The following FAM184B variants were observed in gnomAD, a reference collection of about 807,000 sequenced individuals.
FAM184B encodes the protein protein FAM184B.
Under a neutral mutation model 135.9 loss-of-function variants are expected in FAM184B, and 111 were observed. The observed-to-expected ratio is 0.82, with a 90% CI of 0.70 to 0.96. FAM184B has a LOEUF of 0.96. Among genes scored for constraint, FAM184B ranks in the 40% least tolerant of loss-of-function variants. The pLI is 0.00. For missense variants in FAM184B, 1,375 were observed against 1,323.9 expected (o/e 1.04, Z -0.60); for synonymous variants, 552 against 524.8 (o/e 1.05, Z -0.71).
Position 17,760,602 on chromosome 4 carries a change from A to C in FAM184B, c.141+20557T>G, listed in dbSNP as rs370922588. 2.0e-5 allele frequency among the ~76,000 whole-genome samples: 3 copies of C among 152,226 alleles called. No individual in the cohort carries two copies. In the East Asian group the frequency reaches 5.8e-4, roughly 29 times the overall value. Reference sequence around the variant, plus strand: ...CTCTCACCAAAGAAATAAATAAACAAGCAAAAAGGACACATCTCTAGGACA... The same window carrying C: ...CTCTCACCAAAGAAATAAATAAACACGCAAAAAGGACACATCTCTAGGACA... On this transcript the variant is annotated intron_variant, in intron 1 of 17. Coordinates refer to ENST00000265018, the MANE Select transcript of FAM184B (RefSeq NM_015688.2).
Position 17,630,210 on chromosome 4 carries a change from C to G in FAM184B, c.*2322G>C, listed in dbSNP as rs554922489. ...AAAAATAGAACCACCTGTATGTAGTCTTTTTGAAAGCACAAAATAAAGAGC... is the reference window on the plus strand; with the variant it reads ...AAAAATAGAACCACCTGTATGTAGTGTTTTTGAAAGCACAAAATAAAGAGC... On this transcript the variant is annotated 3_prime_UTR_variant, in exon 18 of 18. Transcript: ENST00000265018. 1 of 152,268 alleles carries G rather than the reference C, an allele frequency of 6.6e-6. No homozygotes were observed. The highest frequency in any genetic ancestry group is 2.1e-4 in the South Asian group (1 of 4,830). The allele number at this position is 152,268 out of a possible 1,614,324, so 9.4% of individuals were successfully genotyped here.
intron 3 of FAM184B, 141 bp downstream of exon 3, chr4:17,707,508 G>T (rs1251270038): frequency 2.8e-6 from 3 of 1,052,794 alleles, no homozygotes; most frequent in Non-Finnish European, 4.1e-6. Flanking sequence ...GCAGGGATTG[G>T]TCTCACCCAC....
At chr4:17,681,586 G>T (rs777145611) in intron 7 of FAM184B, among the ~76,000 whole-genome samples, 2 of 152,192 alleles carry the variant, frequency 1.3e-5, no homozygotes, top group Admixed American at 1.3e-4. Flanking sequence ...GTGGTTATCT[G>T]CCTGCCAACG....
chr4:17,706,987 C>G (rs1467511048), intron 3 of FAM184B, among the ~76,000 whole-genome samples: 1 of 152,056 alleles, frequency 6.6e-6, no homozygotes, highest in Non-Finnish European at 1.5e-5. Context: ...AGGTTTATAC[C>G]ATGTTTGCCA....
intron 1 of FAM184B, among the ~76,000 whole-genome samples, chr4:17,734,696 G>A (rs1439380384): frequency 1.6e-4 from 24 of 149,964 alleles, no homozygotes; most frequent in Non-Finnish European, 3.4e-4. Context: ...TGCTGGAGAG[G>A]ATGTGGAGAA....
chr4:17,722,970 C>T (rs183624195), intron 1 of FAM184B, among the ~76,000 whole-genome samples: 64 of 152,226 alleles, frequency 4.2e-4, no homozygotes, highest in Non-Finnish European at 7.8e-4. Flanking sequence ...AATGGAATTG[C>T]GAAAATTCAA....
At chr4:17,637,996 T>TCC (rs1715195797) in intron 14 of FAM184B, among the ~76,000 whole-genome samples, 1 of 18,772 alleles carries the variant, frequency 5.3e-5, no homozygotes, top group Admixed American at 7.5e-4. Flanking sequence ...ACCCTCCCTC[T>TCC]CACTGATGCC....
At chr4:17,648,364 TG>T (rs1715522448) in intron 11 of FAM184B, among the ~76,000 whole-genome samples, 1 of 152,044 alleles carries the variant, frequency 6.6e-6, no homozygotes, top group Non-Finnish European at 1.5e-5. Context: ...TATTTTTTTT[TG>T]AGATGGAGTC....
chr4:17,676,634 G>A (rs1023981416), intron 7 of FAM184B, among the ~76,000 whole-genome samples: 2 of 152,168 alleles, frequency 1.3e-5, no homozygotes, highest in African/African-American at 4.8e-5. Context: ...TGGTGGTCTA[G>A]AACTGAATTT....
chr4:17,676,213 T>C (rs1327691536), intron 7 of FAM184B, among the ~76,000 whole-genome samples: 1 of 152,182 alleles, frequency 6.6e-6, no homozygotes, highest in Non-Finnish European at 1.5e-5. Flanking sequence ...TTGGCCTAAC[T>C]GCAATATTGT....
chr4:17,766,330 T>C (rs2108995190), intron 1 of FAM184B, among the ~76,000 whole-genome samples: 1 of 152,380 alleles, frequency 6.6e-6, no homozygotes, highest in East Asian at 1.9e-4. Context: ...CTGGATTAGC[T>C]ACACACAGAG....
At chr4:17,716,784 C>G (rs1717407758) in intron 1 of FAM184B, among the ~76,000 whole-genome samples, 1 of 152,088 alleles carries the variant, frequency 6.6e-6, no homozygotes, top group Non-Finnish European at 1.5e-5. Context: ...GCATTCTTGG[C>G]ATTCTCAATA....
In FAM184B at chr4:17,642,773, T is replaced by C. The variant is rs1715360106; in HGVS notation, c.2347-545A>G. On this transcript the variant is annotated intron_variant, in intron 12 of 17. Transcript: ENST00000265018. ...CAACCCTGTAGCACCTAGCCTGGTG[T>C]ATTCTATAGGTGCCACGTGAATGCT... Among the ~76,000 whole-genome samples the C allele has an allele frequency of 2.0e-5, 3 of 152,358 alleles. No homozygotes were observed. In the South Asian group the frequency reaches 6.2e-4, roughly 32 times the overall value.
chr4:17,647,672 G>A lies in FAM184B; in HGVS notation c.2311C>T (p.Pro771Ser), dbSNP rs561607262. Reference sequence around the variant, plus strand: ...ATTATGTGATCCTTGCTGTCTCCTGGACACTGGCTGCTGGCTTGCTGTCTG... The same window carrying A: ...ATTATGTGATCCTTGCTGTCTCCTGAACACTGGCTGCTGGCTTGCTGTCTG... Reference protein sequence around the residue: ...LGRQQASSQCPGDSKDHIIAT... With the variant: ...LGRQQASSQCSGDSKDHIIAT... The change falls in exon 12 of 18, where the codon CCA (proline) becomes TCA (serine). Residue 771 changes from proline to serine, a missense_variant. Transcript: ENST00000265018. The A allele has an allele frequency of 9.2e-5, 143 of 1,550,894 alleles. 1 individual carries two copies. The South Asian group carries it at 1.7e-3, about 18-fold the overall frequency.
rs117129507 is a variant in FAM184B, at chr4:17,714,529, C to T, written c.142-4885G>A. 2.5e-3 allele frequency among the ~76,000 whole-genome samples: 387 copies of T among 152,136 alleles called. 7 individuals carry two copies. In the East Asian group the frequency reaches 0.048, roughly 19 times the overall value. On this transcript the variant is annotated intron_variant, in intron 1 of 17. Transcript: ENST00000265018. ...CATTGATCTTTATGGCAATAACTAC[C>T]GTGTTGAGCCTCTGACATCTTGGCA...
intron 14 of FAM184B, among the ~76,000 whole-genome samples, chr4:17,636,891 A>C (rs1445125850): frequency 2.0e-5 from 3 of 152,112 alleles, no homozygotes; most frequent in African/African-American, 7.2e-5. Context: ...TAGATGCTGC[A>C]CTCAGCGGGG....
chr4:17,778,168 C>T (rs913419255), intron 1 of FAM184B, among the ~76,000 whole-genome samples: 17 of 150,774 alleles, frequency 1.1e-4, no homozygotes, highest in Non-Finnish European at 2.2e-4. Context: ...TAAAAATAAA[C>T]AAAACAAATC....
chr4:17,763,401 CACAA>C (rs1718589584), intron 1 of FAM184B, among the ~76,000 whole-genome samples: 1 of 148,930 alleles, frequency 6.7e-6, no homozygotes, highest in Admixed American at 6.6e-5. Flanking sequence ...GGCACACACA[CACAA>C]ACACACACAC....
chr4:17,632,418 T>C lies in FAM184B; in HGVS notation c.*114A>G. ...ACGCCAAAATTTGTTTTAGCTATCA[T>C]ATATAAATCATAAGCATATTATTTG... On this transcript the variant is annotated 3_prime_UTR_variant, in exon 18 of 18. Coordinates refer to ENST00000265018, the MANE Select transcript of FAM184B (RefSeq NM_015688.2). 1 of 890,524 alleles carries C rather than the reference T, an allele frequency of 1.1e-6. No individual in the cohort carries two copies. Among genetic ancestry groups the C allele is most frequent in the Non-Finnish European group, 1.7e-6 (1 of 590,268 alleles). The allele number at this position is 890,524 out of a possible 1,614,324, so 55.2% of individuals were successfully genotyped here.
Sources: gnomAD v4.1 joint callset for allele counts (sites outside exome capture counted in the v4.1 genomes callset) on GRCh38, gnomAD v4.1.1 for gene constraint, MANE v1.5 for transcripts, NCBI Gene and HGNC (gene_info 2026-07-23, HGNC 2026-07-21) for gene names.